ALK: variants seen among roughly 807,000 people sequenced by gnomAD.
ALK encodes the protein ALK tyrosine kinase receptor.
ALK carries 74 observed loss-of-function variants against 163.1 expected under a neutral mutation model. That is an observed-to-expected ratio of 0.45 (90% CI 0.38 to 0.55). The LOEUF (loss-of-function observed/expected upper bound fraction) is 0.55, where lower values mean the gene tolerates loss of function less well. Ranked by LOEUF, ALK falls within the 20% of genes least tolerant of loss-of-function variation. The pLI is 0.00. For missense variants in ALK, 2,063 were observed against 2,105.3 expected, an observed-to-expected ratio of 0.98 and a Z score of 0.39; for synonymous variants, 960 against 843.2, an observed-to-expected ratio of 1.14 and a Z score of -2.40.
chr2:29,361,909 A>G (rs535471986), intron 5 of ALK, among the ~76,000 whole-genome samples: 1 of 152,324 alleles, frequency 6.6e-6, no homozygotes, highest in South Asian at 2.1e-4. Flanking sequence ...GAAACAAATA[A>G]TCTTTAGCCC....
intron 4 of ALK, among the ~76,000 whole-genome samples, chr2:29,475,242 A>T (rs1671484373): frequency 6.6e-6 from 1 of 150,898 alleles, no homozygotes; most frequent in African/African-American, 2.4e-5. Context: ...CAGAGCCACC[A>T]TCGCTGGAAG....
chr2:29,782,351 C>T lies in ALK; in HGVS notation c.668-64654G>A, dbSNP rs1663849934. ...CATGAGTTTCTTCATGGGACTCCAT[C>T]CAACTTGCTGTCTATGGTCCCCAAG... On this transcript the variant is annotated intron_variant, in intron 1 of 28. Coordinates refer to ENST00000389048, the MANE Select transcript of ALK (RefSeq NM_004304.5). Among the ~76,000 whole-genome samples the T allele has an allele frequency of 4.6e-5, 7 of 152,258 alleles. No individual in the cohort carries two copies. The South Asian group carries it at 1.5e-3, about 32-fold the overall frequency.
chr2:29,438,849 C>T (rs1670466764), intron 4 of ALK, among the ~76,000 whole-genome samples: 1 of 152,154 alleles, frequency 6.6e-6, no homozygotes, highest in South Asian at 2.1e-4. Flanking sequence ...ACAATATCCC[C>T]CAGCGCTCCT....
At chr2:29,491,588 T>A (rs1671903596) in intron 4 of ALK, among the ~76,000 whole-genome samples, 1 of 152,224 alleles carries the variant, frequency 6.6e-6, no homozygotes, top group Non-Finnish European at 1.5e-5. Flanking sequence ...GCAACATTAT[T>A]CCGACAAAAT....
chr2:29,531,908 T>C lies in ALK; in HGVS notation c.1154+7A>G, dbSNP rs773631201. 1.9e-6 allele frequency: 3 copies of C among 1,614,038 alleles called. No individual in the cohort carries two copies. The highest frequency in any genetic ancestry group is 1.1e-5 in the South Asian group (1 of 91,080). On this transcript the variant is annotated splice_region_variant and intron_variant, in intron 4 of 28. Coordinates refer to ENST00000389048, the MANE Select transcript of ALK (RefSeq NM_004304.5). ...AAAATCAATTTTGGACATGGAGAAG[T>C]ACTTACCCATGCTTCCCTGGAGTGG... is the stretch of plus-strand genomic sequence containing the variant.
At chr2:29,886,076 G>C (rs971044387) in intron 1 of ALK, among the ~76,000 whole-genome samples, 1 of 152,018 alleles carries the variant, frequency 6.6e-6, no homozygotes, top group African/African-American at 2.4e-5. Flanking sequence ...AGATAATGAA[G>C]ACCTTTGTAA....
chr2:29,383,832 C>T lies in ALK; in HGVS notation c.1182G>A (p.Gly394=), dbSNP rs1470291492. 5.6e-6 allele frequency: 9 copies of T among 1,614,120 alleles called. No homozygotes were observed. Among genetic ancestry groups the T allele is most frequent in the Non-Finnish European group, 6.8e-6 (8 of 1,179,988 alleles). The change falls in exon 5 of 29, where the codon GGG becomes GGA. Residue 394 remains glycine, a synonymous_variant. Coordinates refer to ENST00000389048, the MANE Select transcript of ALK (RefSeq NM_004304.5). The part of the protein sequence containing the change: ...HGWTVLQGRI[G]RPDNPFRVAL... ...CCACTCGAAATGGGTTGTCTGGACG[C>T]CCGATTCTTCCCTGGAGCACTGTCC...
chr2:29,715,183 G>A (rs1679210346), intron 2 of ALK, among the ~76,000 whole-genome samples: 1 of 152,188 alleles, frequency 6.6e-6, no homozygotes, highest in South Asian at 2.1e-4. Flanking sequence ...GCAGAAAGAT[G>A]TAAAGCCTCT....
chr2:29,570,104 A>T (rs1490074701), intron 3 of ALK, among the ~76,000 whole-genome samples: 1 of 152,252 alleles, frequency 6.6e-6, no homozygotes, highest in Non-Finnish European at 1.5e-5. Flanking sequence ...TTTATCCTTC[A>T]TTCCTAAGGG....
intron 5 of ALK, among the ~76,000 whole-genome samples, chr2:29,352,554 T>C (rs967389799): frequency 6.6e-6 from 1 of 152,246 alleles, no homozygotes; most frequent in African/African-American, 2.4e-5. Context: ...AGAGGTCTTT[T>C]AGACAGGCAA....
intron 1 of ALK, among the ~76,000 whole-genome samples, chr2:29,877,004 T>C (rs549120328): frequency 2.3e-4 from 35 of 152,260 alleles, no homozygotes; most frequent in East Asian, 5.8e-4. Context: ...CCAGGACTCA[T>C]AGTAAAAATC....
chr2:29,747,934 C>G (rs1005224448), intron 1 of ALK, among the ~76,000 whole-genome samples: 1 of 152,184 alleles, frequency 6.6e-6, no homozygotes, highest in African/African-American at 2.4e-5. Flanking sequence ...AGTGGGCAGA[C>G]CTTTCTGGAA....
At chr2:29,624,934 C>A (rs968767392) in intron 3 of ALK, among the ~76,000 whole-genome samples, 2 of 152,160 alleles carry the variant, frequency 1.3e-5, no homozygotes, top group Non-Finnish European at 2.9e-5. Flanking sequence ...GCTCTGGAAA[C>A]CTACACACTA....
intron 5 of ALK, among the ~76,000 whole-genome samples, chr2:29,331,519 G>GT (rs371335611): frequency 1.2e-3 from 180 of 152,310 alleles, no homozygotes; most frequent in South Asian, 0.012. Flanking sequence ...GATGTAAAAT[G>GT]TCAAATTCAT....
intron 1 of ALK, among the ~76,000 whole-genome samples, chr2:29,786,765 C>T (rs544013008): frequency 3.3e-5 from 5 of 152,162 alleles, no homozygotes; most frequent in African/African-American, 1.2e-4. Flanking sequence ...GAGGATTTCC[C>T]TGGGAGTTTT....
Position 29,571,602 on chromosome 2 carries a change from C to CTTTTTTTTTT in ALK, c.953-39496_953-39487dup, listed in dbSNP as rs60429543. 3.0e-3 allele frequency among the ~76,000 whole-genome samples: 206 copies of CTTTTTTTTTT among 68,486 alleles called. 6 individuals carry two copies. The highest frequency in any genetic ancestry group is 0.01 in the Middle Eastern group (1 of 98). 44.9% of individuals were successfully genotyped at this position (68,486 alleles called of 152,430 possible). A position where few individuals can be genotyped will look rare whatever the true frequency, so the allele number is the denominator to read the frequency against. Reference sequence around the variant, plus strand: ...TAAATTACCTAGTCTTGGCTCATATCTTTTTTTTTTTTTTTTTTTTTTTTT... The same window carrying CTTTTTTTTTT: ...TAAATTACCTAGTCTTGGCTCATATCTTTTTTTTTTTTTTTTTTTTTTTTTTTTTTTTTTT... On this transcript the variant is annotated intron_variant, in intron 3 of 28. Transcript: ENST00000389048.
chr2:29,762,395 C>T (rs1680732619), intron 1 of ALK, among the ~76,000 whole-genome samples: 1 of 152,306 alleles, frequency 6.6e-6, no homozygotes, highest in South Asian at 2.1e-4. Flanking sequence ...GGTCTCGTTG[C>T]TGAAATAACT....
rs926791286 is a variant in ALK, at chr2:29,848,497, A to G, written c.667+71496T>C. On this transcript the variant is annotated intron_variant, in intron 1 of 28. Transcript: ENST00000389048. Reference sequence around the variant, plus strand: ...AACTGCTGGATAAGTAGAGAATTCTAAAGTGTTTCTGCTAGCCTGCAGGGC... The same window carrying G: ...AACTGCTGGATAAGTAGAGAATTCTGAAGTGTTTCTGCTAGCCTGCAGGGC... Among the ~76,000 whole-genome samples, 7 of 152,190 alleles carry G rather than the reference A, an allele frequency of 4.6e-5. No individual in the cohort carries two copies. In the South Asian group the frequency reaches 1.0e-3, roughly 23 times the overall value.
intron 1 of ALK, among the ~76,000 whole-genome samples, chr2:29,748,668 G>T (rs575847508): frequency 6.6e-6 from 1 of 152,256 alleles, no homozygotes; most frequent in South Asian, 2.1e-4. Flanking sequence ...TGGGACCATA[G>T]TGTATACATA....
Sources: allele counts gnomAD v4.1 joint callset (sites outside exome capture counted in the v4.1 genomes callset), GRCh38; gene constraint gnomAD v4.1.1; transcripts MANE v1.5; gene names NCBI Gene and HGNC (gene_info 2026-07-23, HGNC 2026-07-21).